The following WASF3 variants were observed in gnomAD, a reference collection of about 807,000 sequenced individuals.
WASF3 encodes the protein actin-binding protein WASF3.
WASF3 carries 11 observed loss-of-function variants against 46.6 expected under a neutral mutation model. The observed-to-expected ratio is 0.24, with a 90% CI of 0.15 to 0.39. The LOEUF is 0.39. Among genes scored for constraint, WASF3 ranks in the 10% least tolerant of loss-of-function variants. The probability of loss-of-function intolerance (pLI) is 1.00; values close to 1 mark genes in which losing one functional copy is unlikely to be tolerated. For missense variants in WASF3, 576 were observed against 669.8 expected, an observed-to-expected ratio of 0.86 and a Z score of 1.55; for synonymous variants, 242 against 259.7, an observed-to-expected ratio of 0.93 and a Z score of 0.65.
At chr13:26,627,640 G>C (rs1027630854) in intron 2 of WASF3, among the ~76,000 whole-genome samples, 2 of 152,104 alleles carry the variant, frequency 1.3e-5, no homozygotes, top group Non-Finnish European at 2.9e-5. Flanking sequence ...ATTCTTAAGA[G>C]AATCCTCGCA....
At chr13:26,642,035 A>C (rs1399795241) in intron 2 of WASF3, 5 of 278,844 alleles carry the variant, frequency 1.8e-5, no homozygotes, top group Non-Finnish European at 3.3e-5. Flanking sequence ...GAAATATGGA[A>C]TATATTATTT....
rs1883469205 is a variant in WASF3, at chr13:26,688,204, T to G, written c.*2359T>G. The G allele has an allele frequency of 6.6e-6, 1 of 152,212 alleles. No individual in the cohort carries two copies. The highest frequency in any genetic ancestry group is 2.1e-4 in the South Asian group (1 of 4,832). 9.4% of individuals were successfully genotyped at this position (152,212 alleles called of 1,614,324 possible). On this transcript the variant is annotated 3_prime_UTR_variant, in exon 10 of 10. Coordinates refer to ENST00000335327, the MANE Select transcript of WASF3 (RefSeq NM_006646.6). ...TTATTCTGAAATTTAAATCCAGATC[T>G]TTTCTAATATGGTATTACAATGAAA... is the stretch of plus-strand genomic sequence containing the variant.
At chr13:26,584,530 G>A (rs920858521) in intron 1 of WASF3, among the ~76,000 whole-genome samples, 12 of 152,156 alleles carry the variant, frequency 7.9e-5, no homozygotes, top group African/African-American at 2.2e-4. Flanking sequence ...GTTAACCAGC[G>A]GAATTACTAG....
intron 1 of WASF3, chr13:26,577,789 A>G (rs1050321350): frequency 1.6e-6 from 1 of 621,982 alleles, no homozygotes; most frequent in Non-Finnish European, 2.8e-6. Context: ...AGATTTCACT[A>G]GTTTATACAT....
chr13:26,606,925 T>TGA (rs778718678), intron 1 of WASF3: 3 of 152,182 alleles, frequency 2.0e-5, no homozygotes, highest in Non-Finnish European at 2.9e-5. Flanking sequence ...TGCATGCACA[T>TGA]GAGAGAGAGA....
At chr13:26,667,458 C>T in intron 4 of WASF3, 59 bp from the exon 5 acceptor site, 1 of 1,494,574 alleles carries the variant, frequency 6.7e-7, no homozygotes, top group South Asian at 1.3e-5. Context: ...ATGGTATTTA[C>T]TTCTAAACAG....
intron 1 of WASF3, among the ~76,000 whole-genome samples, chr13:26,564,900 GTTTTTTTTTT>G (rs66809412): frequency 7.3e-5 from 6 of 81,634 alleles, no homozygotes; most frequent in Non-Finnish European, 1.1e-4. Flanking sequence ...CAAGGTTGTG[GTTTTTTTTTT>G]TTTTTTTTTT....
intron 2 of WASF3, among the ~76,000 whole-genome samples, chr13:26,624,783 CAGCAGA>C (rs2137248360): frequency 6.6e-6 from 1 of 152,186 alleles, no homozygotes; most frequent in East Asian, 1.9e-4. Flanking sequence ...GTAAGAATAA[CAGCAGA>C]CTTCTTGTCA....
At chr13:26,588,766 T>C (rs1012665160) in intron 1 of WASF3, among the ~76,000 whole-genome samples, 30 of 152,126 alleles carry the variant, frequency 2.0e-4, no homozygotes, top group African/African-American at 7.0e-4. Flanking sequence ...GTTAAAATGG[T>C]ATGGCATTGC....
chr13:26,563,017 A>AG (rs1879348130), intron 1 of WASF3, among the ~76,000 whole-genome samples: 1 of 149,352 alleles, frequency 6.7e-6, no homozygotes. Flanking sequence ...TCTTCTGAGG[A>AG]CTGGTTGTTC....
the WASF3 span, among the ~76,000 whole-genome samples, chr13:26,549,161 T>C: frequency 3.3e-5 from 5 of 152,042 alleles, no homozygotes; most frequent in Admixed American, 2.6e-4. Context: ...TTTGTACTTA[T>C]AGTAGAGACA....
chr13:26,618,516 C>T (rs793637), intron 2 of WASF3, among the ~76,000 whole-genome samples: 125,579 of 148,792 alleles, frequency 0.84, 53,031 homozygotes, highest in East Asian at 0.9. Flanking sequence ...CTCTTTCATA[C>T]ATGTAGGACT....
chr13:26,640,934 A>G (rs1236683714), intron 2 of WASF3: 1 of 152,068 alleles, frequency 6.6e-6, no homozygotes, highest in Non-Finnish European at 1.5e-5. Flanking sequence ...TTTCTCTTCA[A>G]ACATTCCCCA....
At chr13:26,549,611 C>T in the WASF3 span, among the ~76,000 whole-genome samples, 5 of 152,120 alleles carry the variant, frequency 3.3e-5, no homozygotes, top group African/African-American at 1.2e-4. Context: ...AAATAAAAAC[C>T]CTCTGCGACT....
At chr13:26,575,118 G>A (rs1418996125) in intron 1 of WASF3, among the ~76,000 whole-genome samples, 3 of 152,158 alleles carry the variant, frequency 2.0e-5, no homozygotes, top group South Asian at 2.1e-4. Context: ...TTACAGGCGT[G>A]AGCCACCGTG....
rs1879819783 is a variant in WASF3, at chr13:26,577,043, A to G, written c.-109+19224A>G. ...GGAAAGATGCTAGTCACCAGGACCC[A>G]AGGAAACAAAATTGCATCTGATGGC... On this transcript the variant is annotated intron_variant, in intron 1 of 9. Coordinates refer to ENST00000335327, the MANE Select transcript of WASF3 (RefSeq NM_006646.6). 8.2e-6 allele frequency: 6 copies of G among 728,446 alleles called. 1 individual carries two copies. The highest frequency in any genetic ancestry group is 1.5e-5 in the Non-Finnish European group (6 of 405,182). The allele number at this position is 728,446 out of a possible 1,614,324, so 45.1% of individuals were successfully genotyped here.
upstream of WASF3, among the ~76,000 whole-genome samples, chr13:26,556,076 A>G (rs956202223): frequency 1.3e-5 from 2 of 152,252 alleles, no homozygotes; most frequent in East Asian, 1.9e-4. Flanking sequence ...GGACTGTAAA[A>G]TAAGGGCCTT....
At chr13:26,662,667 G>A (rs1882662792) in intron 3 of WASF3, among the ~76,000 whole-genome samples, 1 of 152,206 alleles carries the variant, frequency 6.6e-6, no homozygotes, top group Non-Finnish European at 1.5e-5. Flanking sequence ...AGGAAGAGGG[G>A]CAAAGGCCAA....
intron 7 of WASF3, among the ~76,000 whole-genome samples, chr13:26,677,524 G>T (rs989870308): frequency 5.3e-5 from 8 of 152,192 alleles, no homozygotes; most frequent in African/African-American, 1.9e-4. Context: ...ACTTTGGGTT[G>T]TATCTGTGCC....
Sources: gnomAD v4.1 joint callset for allele counts (sites outside exome capture counted in the v4.1 genomes callset) on GRCh38, gnomAD v4.1.1 for gene constraint, MANE v1.5 for transcripts, NCBI Gene and HGNC (gene_info 2026-07-23, HGNC 2026-07-21) for gene names.